CCDC178: variants seen among roughly 807,000 people sequenced by gnomAD.
CCDC178 encodes coiled-coil domain-containing protein 178.
Under a neutral mutation model 117.4 loss-of-function variants are expected in CCDC178, and 126 were observed. That is an observed-to-expected ratio of 1.07 (90% CI 0.93 to 1.24). The LOEUF is 1.24. Ranked by LOEUF, CCDC178 falls within the 50% of genes most tolerant of loss-of-function variation. CCDC178 has a pLI of 0.00. For synonymous variants in CCDC178, 283 were observed against 313.4 expected, an observed-to-expected ratio of 0.90 and a Z score of 1.02; for missense variants, 1,030 against 986.9, an observed-to-expected ratio of 1.04 and a Z score of -0.59.
chr18:33,159,483 G>A (rs1337461801), intron 20 of CCDC178, among the ~76,000 whole-genome samples: 1 of 152,054 alleles, frequency 6.6e-6, no homozygotes, highest in Non-Finnish European at 1.5e-5. Context: ...AGTTCCTTCT[G>A]GAGGCTCCAG....
Position 32,968,793 on chromosome 18 carries a change from T to C in CCDC178, c.2523+5754A>G, listed in dbSNP as rs368215913. ...GTCCAAAATGCATGTTTTCTATAAA[T>C]TCTTCTGTGTTTCAAAAGATCACAC... On this transcript the variant is annotated intron_variant, in intron 22 of 22. Transcript: ENST00000383096. Among the ~76,000 whole-genome samples the C allele has an allele frequency of 4.6e-5, 7 of 152,168 alleles. No individual in the cohort carries two copies. In the East Asian group the frequency reaches 1.4e-3, roughly 29 times the overall value.
chr18:33,389,995 T>C (rs1395265884), intron 4 of CCDC178, among the ~76,000 whole-genome samples: 1 of 139,252 alleles, frequency 7.2e-6, no homozygotes, highest in Non-Finnish European at 1.6e-5. Flanking sequence ...TGTGTATGTG[T>C]ATATATATAT....
intron 12 of CCDC178, among the ~76,000 whole-genome samples, chr18:33,274,731 A>G (rs1442850015): frequency 6.6e-6 from 1 of 152,034 alleles, no homozygotes; most frequent in South Asian, 2.1e-4. Context: ...GTATTTTTCA[A>G]TGGGAAAAAA....
chr18:33,185,712 T>A (rs2058783982), intron 20 of CCDC178, among the ~76,000 whole-genome samples: 1 of 152,102 alleles, frequency 6.6e-6, no homozygotes. Context: ...GAAGTTCTGA[T>A]TTGGTACCAC....
At chr18:33,212,339 T>C (rs1451669100) in intron 19 of CCDC178, among the ~76,000 whole-genome samples, 6 of 152,006 alleles carry the variant, frequency 3.9e-5, no homozygotes, top group Non-Finnish European at 7.4e-5. Flanking sequence ...CTCCAAGAGA[T>C]ATATTCTGAT....
At chr18:33,386,056 G>T (rs1014324400) in intron 5 of CCDC178, among the ~76,000 whole-genome samples, 1 of 152,126 alleles carries the variant, frequency 6.6e-6, no homozygotes, top group African/African-American at 2.4e-5. Flanking sequence ...AACCATCAGA[G>T]AATACTATAA....
chr18:32,945,070 A>G (rs1380991344), intron 22 of CCDC178, among the ~76,000 whole-genome samples: 1 of 152,108 alleles, frequency 6.6e-6, no homozygotes, highest in Non-Finnish European at 1.5e-5. Context: ...CATTTTACTC[A>G]TTGTTTGTGA....
rs368375432 is a variant in CCDC178 at position 33,086,298 on chromosome 18, T to G, written c.2388+6463A>C. Among the ~76,000 whole-genome samples the G allele has an allele frequency of 3.3e-5, 5 of 151,630 alleles. No homozygotes were observed. The East Asian group carries it at 9.6e-4, about 29-fold the overall frequency. On this transcript the variant is annotated intron_variant, in intron 21 of 22. Coordinates refer to ENST00000383096, the MANE Select transcript of CCDC178 (RefSeq NM_001105528.4). ...GGTAATATAAATAATACTTATTTTT[T>G]ATTAAAGCTATATATCAGCAGAATA...
chr18:33,336,806 T>G (rs1230494271), intron 9 of CCDC178, among the ~76,000 whole-genome samples: 1 of 152,094 alleles, frequency 6.6e-6, no homozygotes, highest in Non-Finnish European at 1.5e-5. Context: ...GGCCTTATAG[T>G]ATAGTTTGAA....
intron 20 of CCDC178, among the ~76,000 whole-genome samples, chr18:33,196,660 G>A (rs966422777): frequency 2.0e-5 from 3 of 152,004 alleles, no homozygotes; most frequent in Non-Finnish European, 4.4e-5. Context: ...ATGCCAAGAC[G>A]ACAAAAGCTG....
In CCDC178 at chr18:33,215,565, G is replaced by A. The variant is rs185692505; in HGVS notation, c.2063C>T (p.Thr688Ile). The A allele has an allele frequency of 2.4e-3, 3,403 of 1,422,936 alleles. 11 individuals are homozygous for A. Among genetic ancestry groups the A allele is most frequent in the Non-Finnish European group, 2.8e-3 (2,967 of 1,066,426 alleles). 88.1% of individuals were successfully genotyped at this position (1,422,936 alleles called of 1,614,324 possible). ...KEEEKKSFDQ[T>I]LEILKNKFIT... ...AAGTACTTACTTTAATATTTCAAGTGTCTGATCAAAACTTTTCTTTTCTTC... is the reference window on the plus strand; with the variant it reads ...AAGTACTTACTTTAATATTTCAAGTATCTGATCAAAACTTTTCTTTTCTTC... Residue 688 changes from threonine (T) to isoleucine (I), a missense_variant, in exon 19 of 23, where the codon ACA (threonine) becomes ATA (isoleucine). Physicochemically the swap from Thr to Ile is moderately conservative, Grantham distance 89 (BLOSUM62 -1). Coordinates refer to ENST00000383096, the MANE Select transcript of CCDC178 (RefSeq NM_001105528.4).
intron 21 of CCDC178, among the ~76,000 whole-genome samples, chr18:33,086,693 A>G (rs1209617956): frequency 6.6e-6 from 1 of 152,098 alleles, no homozygotes; most frequent in Non-Finnish European, 1.5e-5. Context: ...CATGTTATAT[A>G]TATGTATATA....
intron 2 of CCDC178, among the ~76,000 whole-genome samples, chr18:33,425,026 G>C (rs558500009): frequency 6.2e-4 from 94 of 152,252 alleles, no homozygotes; most frequent in African/African-American, 2.1e-3. Flanking sequence ...CTGATTGATA[G>C]GGGCAGCCAA....
intron 14 of CCDC178, among the ~76,000 whole-genome samples, chr18:33,261,081 C>CTTTT (rs1555673170): frequency 1.3e-5 from 2 of 149,338 alleles, no homozygotes. Context: ...TTTTTTTTTT[C>CTTTT]TGTTTGTTTG....
At chr18:33,248,628 G>C (rs1469261026) in intron 14 of CCDC178, among the ~76,000 whole-genome samples, 4 of 151,932 alleles carry the variant, frequency 2.6e-5, no homozygotes, top group Non-Finnish European at 4.4e-5. Flanking sequence ...AGTATTCCAT[G>C]GTGTATATGT....
At chr18:33,319,761 G>C (rs1252679948) in intron 11 of CCDC178, among the ~76,000 whole-genome samples, 2 of 152,120 alleles carry the variant, frequency 1.3e-5, no homozygotes, top group Non-Finnish European at 2.9e-5. Flanking sequence ...TCTCATTGTG[G>C]TTTTGATTTG....
intron 6 of CCDC178, among the ~76,000 whole-genome samples, chr18:33,361,012 T>TA (rs1056531441): frequency 2.6e-5 from 4 of 151,390 alleles, no homozygotes; most frequent in Middle Eastern, 3.4e-3. Context: ...TATAGAGCCA[T>TA]AAAAAAACAC....
intron 21 of CCDC178, among the ~76,000 whole-genome samples, chr18:32,985,182 T>C (rs1568198624): frequency 6.6e-6 from 1 of 152,024 alleles, no homozygotes; most frequent in Non-Finnish European, 1.5e-5. Flanking sequence ...TTTTAAAACA[T>C]TAAATTTCAT....
chr18:33,182,412 T>A (rs1368394916), intron 20 of CCDC178, among the ~76,000 whole-genome samples: 1 of 151,978 alleles, frequency 6.6e-6, no homozygotes, highest in Non-Finnish European at 1.5e-5. Flanking sequence ...AAAATCAAAT[T>A]ATAAGTCTGT....
Sources: gnomAD v4.1 joint callset for allele counts (sites outside exome capture counted in the v4.1 genomes callset) on GRCh38, gnomAD v4.1.1 for gene constraint, MANE v1.5 for transcripts, NCBI Gene and HGNC (gene_info 2026-07-23, HGNC 2026-07-21) for gene names.